Variants in LCP2 observed in about 807,000 individuals in gnomAD.
LCP2 encodes 76 kDa tyrosine phosphoprotein.
In LCP2, 29 loss-of-function variants were observed where a neutral mutation model predicts 74.5. That is an observed-to-expected ratio of 0.39 (90% CI 0.29 to 0.53). The LOEUF (loss-of-function observed/expected upper bound fraction) is 0.53, where lower values mean the gene tolerates loss of function less well. LCP2 is among the 20% of genes least tolerant of loss of function. LCP2 has a pLI of 0.72. For missense variants in LCP2, 604 were observed against 634.6 expected (o/e 0.95, Z 0.52); for synonymous variants, 228 against 229.5 (o/e 0.99, Z 0.06).
At chr5:170,294,683 A>G (rs1400952062) in intron 1 of LCP2, among the ~76,000 whole-genome samples, 1 of 152,194 alleles carries the variant, frequency 6.6e-6, no homozygotes. Flanking sequence ...CACACTCAGA[A>G]AGCTGACTTA....
chr5:170,295,514 G>A (rs937672943), intron 1 of LCP2, among the ~76,000 whole-genome samples: 4 of 152,214 alleles, frequency 2.6e-5, no homozygotes, highest in East Asian at 1.9e-4. Flanking sequence ...CAGGAAAGTC[G>A]CCAAGCTAGC....
chr5:170,279,220 C>A (rs1762062168), intron 3 of LCP2, among the ~76,000 whole-genome samples: 1 of 152,190 alleles, frequency 6.6e-6, no homozygotes, highest in Non-Finnish European at 1.5e-5. Flanking sequence ...AACCTCCCCA[C>A]AGGAAGCCAG....
rs767825448 is a variant in LCP2, at chr5:170,248,754, C to G, written c.1545G>C (p.Gly515=). The G allele has an allele frequency of 6.2e-7, 1 of 1,609,354 alleles. No homozygotes were observed. ...ACTGGTATCTGGAACCTCGGTTTTT[C>G]CCATCAATGAGCAGAAGTGGCATTT... ...FRKMPLLLID[G]KNRGSRYQCT... The change falls in exon 21 of 21, where the codon GGG becomes GGC. Residue 515 remains glycine, a synonymous_variant. Transcript: ENST00000046794.
chr5:170,266,617 CTG>C (rs1160614930), intron 10 of LCP2, among the ~76,000 whole-genome samples, 189 bp downstream of exon 10: 1 of 152,218 alleles, frequency 6.6e-6, no homozygotes, highest in African/African-American at 2.4e-5. Context: ...CACTTGGTAG[CTG>C]TGTGATCTTG....
intron 2 of LCP2, among the ~76,000 whole-genome samples, chr5:170,291,226 AAAGGAAGGAAGG>A (rs1331302490): frequency 5.7e-5 from 3 of 52,914 alleles, no homozygotes; most frequent in African/African-American, 2.0e-4. Context: ...AGGAAGGAAG[AAAGGAAGGAAGG>A]AAGGAAGGAA....
chr5:170,290,008 A>AGGAGCAGG (rs1762262680), intron 2 of LCP2, among the ~76,000 whole-genome samples: 1 of 152,118 alleles, frequency 6.6e-6, no homozygotes, highest in Non-Finnish European at 1.5e-5. Context: ...GGAGACACAG[A>AGGAGCAGG]GGAGCAGGGT....
Position 170,253,148 on chromosome 5 carries a change from G to A in LCP2, c.1216C>T (p.Pro406Ser), listed in dbSNP as rs370147050. 28 of 1,611,914 alleles carry A rather than the reference G, an allele frequency of 1.7e-5. No individual in the cohort carries two copies. The African/African-American group carries it at 3.3e-4, about 19-fold the overall frequency. ...TCCTCCGCGGGGGATGGGGGCCGAG[G>A]TTTGTTTGGAAGTGGCAAGGGGAAG... Reference protein sequence around the residue: ...RNFPLPLPNKPRPPSPAEEEN... With the variant: ...RNFPLPLPNKSRPPSPAEEEN... Residue 406 changes from proline (P) to serine (S), a missense_variant, in exon 18 of 21, where the codon CCT becomes TCT. Coordinates refer to ENST00000046794, the MANE Select transcript of LCP2 (RefSeq NM_005565.5).
Position 170,256,075 on chromosome 5 carries a change from G to A in LCP2, c.1150+451C>T, listed in dbSNP as rs957926561. Among the ~76,000 whole-genome samples, 18 of 152,226 alleles carry A rather than the reference G, an allele frequency of 1.2e-4. No homozygotes were observed. Among genetic ancestry groups the A allele is most frequent in the Non-Finnish European group, 2.4e-4 (16 of 68,038 alleles). On this transcript the variant is annotated intron_variant, in intron 17 of 20. Transcript: ENST00000046794. The surrounding 1 kb of genome is among the most constrained non-coding windows in gnomAD (Gnocchi z 4.5). ...CAAACAGGATTCTGAGGATTCCGTA[G>A]GGAAACCGGAGCTGGAGGAATAGTT...
intron 2 of LCP2, among the ~76,000 whole-genome samples, chr5:170,290,656 A>G (rs556240289): frequency 1.3e-5 from 2 of 152,312 alleles, no homozygotes; most frequent in African/African-American, 4.8e-5. Flanking sequence ...GGCTTTTTCC[A>G]TCGGTTAGAT....
chr5:170,267,670 G>C (rs541621442), intron 8 of LCP2, among the ~76,000 whole-genome samples: 2 of 149,622 alleles, frequency 1.3e-5, no homozygotes, highest in Non-Finnish European at 2.9e-5. Context: ...TCTGTCTACC[G>C]TCTGATAACT....
chr5:170,268,346 T>A, intron 8 of LCP2, 39 bp downstream of exon 8: 1 of 255,424 alleles, frequency 3.9e-6, no homozygotes, highest in African/African-American at 2.3e-5. Context: ...ATAACTGCAG[T>A]GGACACCAAG....
chr5:170,255,393 A>C (rs973129438), intron 17 of LCP2, among the ~76,000 whole-genome samples: 2 of 152,206 alleles, frequency 1.3e-5, no homozygotes, highest in Admixed American at 1.3e-4. Flanking sequence ...TTTCTACTGA[A>C]CACACACTGG....
At chr5:170,248,897 A>G in intron 20 of LCP2, 78 bp from the exon 21 acceptor site, 1 of 1,407,698 alleles carries the variant, frequency 7.1e-7, no homozygotes, top group Non-Finnish European at 9.9e-7. Flanking sequence ...TTTTATCTGC[A>G]TAATATATGC....
chr5:170,271,813 G>A (rs1018240376), intron 6 of LCP2, among the ~76,000 whole-genome samples: 2 of 152,100 alleles, frequency 1.3e-5, no homozygotes, highest in African/African-American at 4.8e-5. Context: ...AAAGCAATGG[G>A]AAGTGGCCAC....
intron 1 of LCP2, among the ~76,000 whole-genome samples, chr5:170,293,968 C>A (rs142407792): frequency 2.0e-5 from 3 of 152,248 alleles, no homozygotes; most frequent in Non-Finnish European, 4.4e-5. Context: ...ATAATAAAAA[C>A]GGCGAACAAT....
intron 5 of LCP2, 113 bp from the exon 6 acceptor site, chr5:170,274,451 C>G: frequency 9.7e-7 from 1 of 1,033,606 alleles, no homozygotes; most frequent in Non-Finnish European, 1.5e-6. Flanking sequence ...CTTCCCTGGC[C>G]TCCACCTACC....
At chr5:170,258,722 C>A in intron 15 of LCP2, 144 bp downstream of exon 15, 1 of 553,980 alleles carries the variant, frequency 1.8e-6, no homozygotes. Flanking sequence ...TGCAGTATGC[C>A]AATTGACATA....
intron 3 of LCP2, among the ~76,000 whole-genome samples, chr5:170,287,378 G>C (rs1255675273): frequency 6.6e-6 from 1 of 152,224 alleles, no homozygotes. Context: ...AGGTATTTGA[G>C]TGTGTGAGAC....
At chr5:170,271,502 C>T (rs1561972195) in intron 6 of LCP2, among the ~76,000 whole-genome samples, 3 of 152,134 alleles carry the variant, frequency 2.0e-5, no homozygotes, top group Non-Finnish European at 4.4e-5. Flanking sequence ...AGTGTATCAA[C>T]ACATCCATTA....
Sources: allele counts gnomAD v4.1 joint callset (sites outside exome capture counted in the v4.1 genomes callset), GRCh38; gene constraint gnomAD v4.1.1; non-coding constraint Gnocchi (gnomAD v3.1); transcripts MANE v1.5; gene names NCBI Gene and HGNC (gene_info 2026-07-23, HGNC 2026-07-21).